TRIM64C: variants seen among roughly 807,000 people sequenced by gnomAD.
The protein encoded by TRIM64C is tripartite motif-containing protein 64C.
Under a neutral mutation model 36.1 loss-of-function variants are expected in TRIM64C, and 25 were observed. That is an observed-to-expected ratio of 0.69 (90% CI 0.51 to 0.97). The LOEUF (loss-of-function observed/expected upper bound fraction) is 0.97, where lower values mean the gene tolerates loss of function less well. TRIM64C is among the 50% of genes least tolerant of loss of function. The probability of loss-of-function intolerance (pLI) is 0.00; values close to 1 mark genes in which losing one functional copy is unlikely to be tolerated. For missense variants in TRIM64C, 489 were observed against 536.8 expected (o/e 0.91, Z 0.88); for synonymous variants, 212 against 185.7 (o/e 1.14, Z -1.15).
chr11:49,058,279 G>A (rs979665916), intron 1 of TRIM64C, 107 bp from the exon 2 acceptor site: 18 of 806,544 alleles, frequency 2.2e-5, no homozygotes, highest in Non-Finnish European at 3.2e-5. Flanking sequence ...AAGTTAGAGT[G>A]GAGTGGTCAG....
At chr11:49,055,886 G>T (rs1186603919) in intron 4 of TRIM64C, among the ~76,000 whole-genome samples, 2 of 152,104 alleles carry the variant, frequency 1.3e-5, no homozygotes, top group African/African-American at 2.4e-5. Flanking sequence ...TGAGGGTCCC[G>T]AGGCAACCAT....
At chr11:49,058,457 C>A (rs955838585) in intron 1 of TRIM64C, among the ~76,000 whole-genome samples, 1 of 151,846 alleles carries the variant, frequency 6.6e-6, no homozygotes, top group Non-Finnish European at 1.5e-5. Flanking sequence ...GCCACCAGCT[C>A]CACAGCTCCA....
In TRIM64C at chr11:49,057,142, C is replaced by A. The variant is rs1307269783; in HGVS notation, c.738+6G>T. ...CTGTCTCTGAGGATGGACCCTCCCT[C>A]CTCACCTGGAGCAGCTCCACGTCAG... On this transcript the variant is annotated splice_donor_region_variant and intron_variant, in intron 3 of 5. Coordinates refer to ENST00000617704, the MANE Select transcript of TRIM64C (RefSeq NM_001206631.1). 1 of 1,549,268 alleles carries A rather than the reference C, an allele frequency of 6.5e-7. No homozygotes were observed. The highest frequency in any genetic ancestry group is 1.2e-5 in the South Asian group (1 of 83,962).
intron 4 of TRIM64C, among the ~76,000 whole-genome samples, chr11:49,056,016 T>G (rs1443727043): frequency 2.1e-5 from 3 of 143,940 alleles, no homozygotes; most frequent in Admixed American, 6.8e-5. Context: ...CTCCTCGATC[T>G]GTCTTTTTTT....
rs1854835520 is a variant in TRIM64C at position 49,058,148 on chromosome 11, T to G, written c.437A>C (p.Tyr146Ser). ...TGTCTCTTGATTGATTTTCCATAAA[T>G]AGTCCATTTCCTTTATAAGTTTCTC... ...RVQKLIKEMDYLWKINQETQN... is the reference protein window; with the variant it reads ...RVQKLIKEMDSLWKINQETQN... The change falls in exon 2 of 6, where the codon TAT becomes TCT. Residue 146 changes from tyrosine to serine, a missense_variant. Transcript: ENST00000617704. 1 of 1,529,732 alleles carries G rather than the reference T, an allele frequency of 6.5e-7. No individual in the cohort carries two copies. Among genetic ancestry groups the G allele is most frequent in the African/African-American group, 1.4e-5 (1 of 72,286 alleles). 94.8% of individuals were successfully genotyped at this position (1,529,732 alleles called of 1,614,324 possible).
Position 49,057,386 on chromosome 11 carries a change from G to A in TRIM64C, c.508-8C>T, listed in dbSNP as rs969440646. ...CCTTAATGACACATAGTCCTGCAGA[G>A]ACGTTTGGTTAAAAGGATTACATGT... On this transcript the variant is annotated splice_region_variant and splice_polypyrimidine_tract_variant and intron_variant, in intron 2 of 5. Coordinates refer to ENST00000617704, the MANE Select transcript of TRIM64C (RefSeq NM_001206631.1). The A allele has an allele frequency of 2.3e-5, 35 of 1,549,266 alleles. No homozygotes were observed. The highest frequency in any genetic ancestry group is 3.0e-5 in the Non-Finnish European group (34 of 1,146,682).
chr11:49,053,820 C>G lies in TRIM64C; in HGVS notation c.1247G>C (p.Gly416Ala). 1.9e-6 allele frequency: 3 copies of G among 1,551,668 alleles called. No individual in the cohort carries two copies. The highest frequency in any genetic ancestry group is 2.6e-6 in the Non-Finnish European group (3 of 1,146,860). ...WVGVFLDYDNGSVSFFDVSKG... is the reference protein window; with the variant it reads ...WVGVFLDYDNASVSFFDVSKG... ...AGAAACATCAAAAAAACTCACAGAT[C>G]CATTATCATAATCCAGAAACACCCC... The change falls in exon 6 of 6, where the codon GGA becomes GCA. Residue 416 changes from glycine (G) to alanine (A), a missense_variant. Transcript: ENST00000617704.
intron 2 of TRIM64C, 147 bp downstream of exon 2, chr11:49,057,931 G>T: frequency 1.7e-6 from 1 of 589,138 alleles, no homozygotes. Context: ...TTCTCTGTTT[G>T]CAATTCCTAT....
chr11:49,054,074 C>A lies in TRIM64C; in HGVS notation c.993G>T (p.Trp331Cys), dbSNP rs1237736914. Residue 331 changes from tryptophan (W) to cysteine (C), a missense_variant, in exon 6 of 6, where the codon TGG becomes TGT. Trp to Cys is a radical substitution (Grantham distance 215). Transcript: ENST00000617704. ...DPQGVESFAV[W>C]CAQAFTSGKH... The stretch of plus-strand genomic sequence containing the variant: ...TGCCGGAGGTGAATGCTTGCGCACA[C>A]CACACAGCAAAGCTCTCCACTCCTT... 1 of 1,551,564 alleles carries A rather than the reference C, an allele frequency of 6.4e-7. No individual in the cohort carries two copies.
chr11:49,054,623 A>C (rs2134719076), intron 5 of TRIM64C, among the ~76,000 whole-genome samples: 1 of 152,324 alleles, frequency 6.6e-6, no homozygotes, highest in African/African-American at 2.4e-5. Context: ...TCAAACATCA[A>C]AAATTTGGTA....
chr11:49,055,746 C>A (rs1469954363), intron 4 of TRIM64C, among the ~76,000 whole-genome samples: 1 of 152,120 alleles, frequency 6.6e-6, no homozygotes, highest in African/African-American at 2.4e-5. Context: ...AGACAAAAAC[C>A]TTTGGGACCT....
At position 49,058,961 on chromosome 11, in the gene TRIM64C, C is replaced by G. The variant is rs546301976; in HGVS notation, c.152G>C (p.Arg51Pro). The change falls in exon 1 of 6, where the codon CGC (arginine) becomes CCC (proline). Residue 51 changes from arginine (R) to proline (P), a missense_variant. By Grantham distance (103) the Arg-to-Pro change is moderately radical (BLOSUM62 -2). Coordinates refer to ENST00000617704, the MANE Select transcript of TRIM64C (RefSeq NM_001206631.1). ...TGAGATTTTTCTGCACAAAGGGCAGCGCATTGGTGCTCTGCCTTCTTCTGA... is the reference window on the plus strand; with the variant it reads ...TGAGATTTTTCTGCACAAAGGGCAGGGCATTGGTGCTCTGCCTTCTTCTGA... ...LCSEEGRAPM[R>P]CPLCRKISEK... The G allele has an allele frequency of 6.4e-7, 1 of 1,551,274 alleles. No individual in the cohort carries two copies. Among genetic ancestry groups the G allele is most frequent in the Non-Finnish European group, 8.7e-7 (1 of 1,146,914 alleles).
In TRIM64C at chr11:49,056,364, C is replaced by A; in HGVS notation, c.756G>T (p.Ser252=). Residue 252 remains serine, a synonymous_variant, in exon 4 of 6, where the codon TCG becomes TCT. Coordinates refer to ENST00000617704, the MANE Select transcript of TRIM64C (RefSeq NM_001206631.1). The stretch of plus-strand genomic sequence containing the variant: ...TTTTTTTAGTGTAAACTCACCTTGC[C>A]GATATATTTCCCACATCCTGCAAAA... The part of the protein sequence containing the change: ...VELLQDVGNI[S]ARTDLAQMPK... The A allele has an allele frequency of 1.3e-6, 2 of 1,541,360 alleles. No individual in the cohort carries two copies. The highest frequency in any genetic ancestry group is 1.7e-4 in the Middle Eastern group (1 of 5,950).
intron 1 of TRIM64C, 113 bp from the exon 2 acceptor site, chr11:49,058,285 G>T: frequency 1.3e-6 from 1 of 780,414 alleles, no homozygotes; most frequent in South Asian, 1.9e-5. Context: ...GAGTGGAGTG[G>T]TCAGATTTTT....
At chr11:49,056,896 T>A (rs1854820590) in intron 3 of TRIM64C, among the ~76,000 whole-genome samples, 2 of 151,874 alleles carry the variant, frequency 1.3e-5, no homozygotes, top group Admixed American at 1.3e-4. Context: ...TCTTAGATGA[T>A]CTCTCTTGTG....
At chr11:49,056,032 T>TA (rs1419894273) in intron 4 of TRIM64C, among the ~76,000 whole-genome samples, 1 of 151,312 alleles carries the variant, frequency 6.6e-6, no homozygotes, top group East Asian at 1.9e-4. Flanking sequence ...TTTTTTTTTT[T>TA]AACCTCCCAC....
At chr11:49,055,193 G>T (rs1403864417) in intron 5 of TRIM64C, 117 bp downstream of exon 5, 4 of 1,300,308 alleles carry the variant, frequency 3.1e-6, no homozygotes, top group Non-Finnish European at 3.2e-6. Flanking sequence ...ACATGTTTTG[G>T]AAAACTATGT....
rs560080811 is a variant in TRIM64C at position 49,057,448 on chromosome 11, C to T, written c.508-70G>A. The T allele has an allele frequency of 1.7e-4, 252 of 1,477,036 alleles. 3 individuals are homozygous for T. In the African/African-American group the frequency reaches 2.9e-3, roughly 17 times the overall value. The allele number at this position is 1,477,036 out of a possible 1,614,324, so 91.5% of individuals were successfully genotyped here. A position where few individuals can be genotyped will look rare whatever the true frequency, so the allele number is the denominator to read the frequency against. On this transcript the variant is annotated intron_variant, in intron 2 of 5. Coordinates refer to ENST00000617704, the MANE Select transcript of TRIM64C (RefSeq NM_001206631.1). ...ATAGAAAACTTCAAATAATTATATG[C>T]TGGGTGTAATCAAGCAATTTATAAA...
Position 49,059,075 on chromosome 11 carries a change from A to T in TRIM64C, c.38T>A (p.Leu13His). 1 of 1,551,674 alleles carries T rather than the reference A, an allele frequency of 6.4e-7. No homozygotes were observed. The highest frequency in any genetic ancestry group is 1.4e-5 in the African/African-American group (1 of 72,510). Reference sequence around the variant, plus strand: ...GTAGTTCACGCAAATGCAGCAAATGAGCTCATTCTGGAAGACTCGCAGGGT... The same window carrying T: ...GTAGTTCACGCAAATGCAGCAAATGTGCTCATTCTGGAAGACTCGCAGGGT... ...SDTLRVFQNE[L>H]ICCICVNYFI... The change falls in exon 1 of 6, where the codon CTC becomes CAC. Residue 13 changes from leucine (L) to histidine (H), a missense_variant. Coordinates refer to ENST00000617704, the MANE Select transcript of TRIM64C (RefSeq NM_001206631.1).
Sources: allele counts gnomAD v4.1 joint callset (sites outside exome capture counted in the v4.1 genomes callset), GRCh38; gene constraint gnomAD v4.1.1; transcripts MANE v1.5; gene names NCBI Gene and HGNC (gene_info 2026-07-23, HGNC 2026-07-21).